STRN: variants seen among roughly 807,000 people sequenced by gnomAD.
The protein encoded by STRN is protein phosphatase 2 regulatory subunit B'''alpha.
A neutral mutation model predicts 96.3 loss-of-function variants in STRN; 53 were observed. That is an observed-to-expected ratio of 0.55 (90% confidence interval 0.44 to 0.69). STRN has a LOEUF of 0.69. Among genes scored for constraint, STRN ranks in the 30% least tolerant of loss-of-function variants. STRN has a pLI of 0.00. For synonymous variants in STRN, 428 were observed against 355.9 expected (o/e 1.20, Z -2.28); for missense variants, 987 against 963.9 (o/e 1.02, Z -0.32).
At chr2:36,936,752 T>C (rs1384664852) in intron 1 of STRN, among the ~76,000 whole-genome samples, 6 of 152,198 alleles carry the variant, frequency 3.9e-5, no homozygotes, top group Admixed American at 3.3e-4. Context: ...TTAATTTGAT[T>C]ATTTTTGATG....
At chr2:36,963,972 G>A (rs754121426) in intron 1 of STRN, among the ~76,000 whole-genome samples, 1 of 151,440 alleles carries the variant, frequency 6.6e-6, no homozygotes, top group Non-Finnish European at 1.5e-5. Context: ...CTGGGCAACA[G>A]AGCGAGACCC....
intron 1 of STRN, among the ~76,000 whole-genome samples, chr2:36,930,817 G>A (rs1388676401): frequency 6.6e-5 from 10 of 152,202 alleles, no homozygotes; most frequent in African/African-American, 2.2e-4. Flanking sequence ...TGGATCACTT[G>A]AGGTCAGGAG....
At chr2:36,905,019 G>C (rs924043310) in intron 4 of STRN, among the ~76,000 whole-genome samples, 1 of 150,138 alleles carries the variant, frequency 6.7e-6, no homozygotes, top group African/African-American at 2.5e-5. Context: ...GCCCAGGCTG[G>C]AGTGCAATGG....
chr2:36,942,968 T>C (rs1461390008), intron 1 of STRN, among the ~76,000 whole-genome samples: 1 of 152,130 alleles, frequency 6.6e-6, no homozygotes, highest in Non-Finnish European at 1.5e-5. Context: ...AGTGCTGGGA[T>C]TACAGGTGTC....
intron 7 of STRN, among the ~76,000 whole-genome samples, chr2:36,893,571 T>C (rs1558641032): frequency 6.6e-6 from 1 of 152,234 alleles, no homozygotes; most frequent in Non-Finnish European, 1.5e-5. Context: ...CCAAAAATCC[T>C]CCAACTAAAG....
chr2:36,880,978 G>A (rs986760997), intron 9 of STRN, among the ~76,000 whole-genome samples: 2 of 152,106 alleles, frequency 1.3e-5, no homozygotes, highest in African/African-American at 2.4e-5. Flanking sequence ...ACTGTTACCT[G>A]ATTGTTCCTA....
At position 36,838,607 on chromosome 2, in the gene STRN, T is replaced by C. The variant is rs999335481; in HGVS notation, c.*10849A>G. Among the ~76,000 whole-genome samples, 7 of 152,248 alleles carry C rather than the reference T, an allele frequency of 4.6e-5. No individual in the cohort carries two copies. Among genetic ancestry groups the C allele is most frequent in the African/African-American group, 1.7e-4 (7 of 41,470 alleles). On this transcript the variant is annotated 3_prime_UTR_variant, in exon 18 of 18. Coordinates refer to ENST00000263918, the MANE Select transcript of STRN (RefSeq NM_003162.4). Reference sequence around the variant, plus strand: ...GAGTATTAAGGGAAAAGTGTTTTTATACATTTACTGATGGAAATAAAAACT... The same window carrying C: ...GAGTATTAAGGGAAAAGTGTTTTTACACATTTACTGATGGAAATAAAAACT...
At chr2:36,931,016 G>A (rs1240474428) in intron 1 of STRN, among the ~76,000 whole-genome samples, 1 of 150,652 alleles carries the variant, frequency 6.6e-6, no homozygotes, top group African/African-American at 2.5e-5. Context: ...CTGAATGACA[G>A]AGCAAAATTG....
At chr2:36,945,272 G>A (rs1159336727) in intron 1 of STRN, among the ~76,000 whole-genome samples, 1 of 152,228 alleles carries the variant, frequency 6.6e-6, no homozygotes, top group Non-Finnish European at 1.5e-5. Context: ...TTAAACAACA[G>A]AGGGACCATG....
rs1667905055 is a variant in STRN at position 36,839,743 on chromosome 2, C to G, written c.*9713G>C. 6.6e-6 allele frequency among the ~76,000 whole-genome samples: 1 copy of G among 152,106 alleles called. No homozygotes were observed. The highest frequency in any genetic ancestry group is 1.9e-4 in the East Asian group (1 of 5,190). On this transcript the variant is annotated 3_prime_UTR_variant, in exon 18 of 18. Transcript: ENST00000263918. Reference sequence around the variant, plus strand: ...ATCATATTTTTAGTAATTTTAATGACAGTTCTTACATGGTATATGTTTAAT... The same window carrying G: ...ATCATATTTTTAGTAATTTTAATGAGAGTTCTTACATGGTATATGTTTAAT...
At chr2:36,908,579 T>A (rs988536049) in intron 3 of STRN, among the ~76,000 whole-genome samples, 5 of 152,120 alleles carry the variant, frequency 3.3e-5, no homozygotes, top group African/African-American at 9.7e-5. Context: ...TTTTATGATA[T>A]GTAAATTATA....
chr2:36,879,943 G>A (rs528723748), intron 9 of STRN, among the ~76,000 whole-genome samples: 6 of 151,610 alleles, frequency 4.0e-5, no homozygotes, highest in African/African-American at 1.2e-4. Context: ...CAGCCTGGGC[G>A]ACAGGGCAAG....
chr2:36,944,377 G>C (rs1670926989), intron 1 of STRN, among the ~76,000 whole-genome samples: 1 of 152,148 alleles, frequency 6.6e-6, no homozygotes. Context: ...AGAGTTTTCA[G>C]GATATTTGGT....
Position 36,855,260 on chromosome 2 carries a change from T to C in STRN, c.1930A>G (p.Met644Val). 6.2e-6 allele frequency: 10 copies of C among 1,613,948 alleles called. No homozygotes were observed. The highest frequency in any genetic ancestry group is 7.6e-6 in the Non-Finnish European group (9 of 1,179,860). Residue 644 changes from methionine to valine, a missense_variant, in exon 15 of 18, where the codon ATG (methionine) becomes GTG (valine). By Grantham distance (21) the Met-to-Val change is conservative (BLOSUM62 1). Coordinates refer to ENST00000263918, the MANE Select transcript of STRN (RefSeq NM_003162.4). ...FSKGYTSIFNMETQQRILTLE... is the reference protein window; with the variant it reads ...FSKGYTSIFNVETQQRILTLE... Reference sequence around the variant, plus strand: ...GTGAGAATGCGTTGTTGTGTTTCCATGTTAAAAATGCTTGTATATCCCTTG... The same window carrying C: ...GTGAGAATGCGTTGTTGTGTTTCCACGTTAAAAATGCTTGTATATCCCTTG...
At chr2:36,887,643 T>A (rs956841844) in intron 7 of STRN, among the ~76,000 whole-genome samples, 5 of 152,180 alleles carry the variant, frequency 3.3e-5, no homozygotes, top group Non-Finnish European at 7.4e-5. Context: ...CATGTGTTCA[T>A]TAGTAAGTGA....
intron 3 of STRN, among the ~76,000 whole-genome samples, chr2:36,905,906 T>A (rs756637928): frequency 6.6e-6 from 1 of 152,152 alleles, no homozygotes; most frequent in South Asian, 2.1e-4. Flanking sequence ...CAAAGACTTA[T>A]CCCATCAAGT....
intron 12 of STRN, among the ~76,000 whole-genome samples, chr2:36,864,536 G>A (rs1281050072): frequency 6.6e-6 from 1 of 152,106 alleles, no homozygotes; most frequent in Non-Finnish European, 1.5e-5. Flanking sequence ...GCTTTTTGAT[G>A]TGCTGTTGGA....
chr2:36,898,307 G>A (rs1254348692), intron 6 of STRN, among the ~76,000 whole-genome samples: 1 of 152,174 alleles, frequency 6.6e-6, no homozygotes, highest in African/African-American at 2.4e-5. Flanking sequence ...AAGTGTCATT[G>A]AAATTTAGGC....
chr2:36,939,273 CT>C (rs1342881427), intron 1 of STRN, among the ~76,000 whole-genome samples: 1 of 151,916 alleles, frequency 6.6e-6, no homozygotes. Flanking sequence ...ATACACTGTA[CT>C]GACATTCTTT....
Sources: gnomAD v4.1 joint callset for allele counts (sites outside exome capture counted in the v4.1 genomes callset) on GRCh38, gnomAD v4.1.1 for gene constraint, MANE v1.5 for transcripts, NCBI Gene and HGNC (gene_info 2026-07-23, HGNC 2026-07-21) for gene names.